Variants in PTPN12 observed in about 807,000 individuals in gnomAD.
The protein encoded by PTPN12 is protein tyrosine phosphatase non-receptor type 12, also known as tyrosine-protein phosphatase non-receptor type 12.
Under a neutral mutation model 97.6 loss-of-function variants are expected in PTPN12, and 29 were observed. The observed-to-expected ratio is 0.30, with a 90% CI of 0.22 to 0.41. The LOEUF (loss-of-function observed/expected upper bound fraction) is 0.41, where lower values mean the gene tolerates loss of function less well. Ranked by LOEUF, PTPN12 falls within the 10% of genes least tolerant of loss-of-function variation. PTPN12 has a pLI of 1.00. For synonymous variants in PTPN12, 327 were observed against 300.4 expected (o/e 1.09, Z -0.91); for missense variants, 819 against 926.0 (o/e 0.88, Z 1.50).
At chr7:77,541,078 T>C (rs1258729506) in intron 1 of PTPN12, among the ~76,000 whole-genome samples, 1 of 152,104 alleles carries the variant, frequency 6.6e-6, no homozygotes, top group Non-Finnish European at 1.5e-5. Flanking sequence ...TTTTTTGGTT[T>C]TGTTTTGTTT....
chr7:77,625,479 C>CTCTCTCTCTCTCTCTCTT (rs1474073851), intron 12 of PTPN12, among the ~76,000 whole-genome samples: 2 of 77,572 alleles, frequency 2.6e-5, no homozygotes, highest in Non-Finnish European at 5.6e-5. Flanking sequence ...CTCGCTCTCT[C>CTCTCTCTCTCTCTCTCTT]TCTCTCTCTC....
intron 1 of PTPN12, among the ~76,000 whole-genome samples, chr7:77,539,613 G>T (rs894693728): frequency 3.3e-5 from 5 of 151,604 alleles, no homozygotes; most frequent in Admixed American, 6.6e-5. Context: ...TTGTTGTTTG[G>T]TTGGTTGGTT....
At chr7:77,541,410 A>G (rs1421590039) in intron 1 of PTPN12, among the ~76,000 whole-genome samples, 1 of 151,974 alleles carries the variant, frequency 6.6e-6, no homozygotes, top group Non-Finnish European at 1.5e-5. Flanking sequence ...TAACTATCTT[A>G]TATCTTAATT....
chr7:77,557,389 C>T (rs1807769792), intron 1 of PTPN12, among the ~76,000 whole-genome samples: 1 of 152,176 alleles, frequency 6.6e-6, no homozygotes, highest in Non-Finnish European at 1.5e-5. Flanking sequence ...ACTCGTGATT[C>T]TCCGTATTCA....
rs73368564 is a variant in PTPN12 at position 77,560,478 on chromosome 7, A to G, written c.100-10600A>G. 8.0e-3 allele frequency among the ~76,000 whole-genome samples: 1,225 copies of G among 152,276 alleles called. 24 individuals are homozygous for G. The highest frequency in any genetic ancestry group is 0.028 in the African/African-American group (1,184 of 41,550). On this transcript the variant is annotated intron_variant, in intron 1 of 17. Coordinates refer to ENST00000248594, the MANE Select transcript of PTPN12 (RefSeq NM_002835.4). ...GTACATTCACATTGTTGTATAACCA[A>G]TCTCTAGAACTCTTCTCATCTTAGA...
chr7:77,618,399 C>A, intron 11 of PTPN12, 81 bp from the exon 12 acceptor site: 1 of 920,084 alleles, frequency 1.1e-6, no homozygotes, highest in Non-Finnish European at 1.6e-6. Flanking sequence ...GATTGAAAAG[C>A]ACAGAAACAA....
chr7:77,583,739 T>A (rs1787597550), intron 4 of PTPN12, 89 bp downstream of exon 4: 4 of 781,140 alleles, frequency 5.1e-6, no homozygotes, highest in African/African-American at 1.8e-5. Context: ...AGGGGATTTT[T>A]AAAAAATCCA....
At chr7:77,593,784 C>G (rs1014475657) in intron 6 of PTPN12, among the ~76,000 whole-genome samples, 2 of 152,202 alleles carry the variant, frequency 1.3e-5, no homozygotes, top group African/African-American at 4.8e-5. Context: ...ATATTCTGGG[C>G]ACACTGTGGC....
intron 1 of PTPN12, among the ~76,000 whole-genome samples, chr7:77,551,346 A>G (rs1389619026): frequency 6.6e-6 from 1 of 152,200 alleles, no homozygotes; most frequent in East Asian, 1.9e-4. Flanking sequence ...CAGGCATGAC[A>G]GTTTAACATT....
intron 9 of PTPN12, among the ~76,000 whole-genome samples, chr7:77,609,214 C>T (rs149538386): frequency 0.019 from 2,850 of 151,296 alleles, 34 homozygotes; most frequent in Middle Eastern, 0.072. Context: ...AGCAAGACTC[C>T]GTCTCAAAAA....
At chr7:77,585,396 A>C in intron 4 of PTPN12, 147 bp from the exon 5 acceptor site, 1 of 582,370 alleles carries the variant, frequency 1.7e-6, no homozygotes, top group Non-Finnish European at 3.0e-6. Context: ...AATTTCTTTA[A>C]CTTACACATT....
chr7:77,591,949 G>A (rs1323648989), intron 5 of PTPN12, among the ~76,000 whole-genome samples: 1 of 152,138 alleles, frequency 6.6e-6, no homozygotes, highest in Non-Finnish European at 1.5e-5. Context: ...AGATAGCAAT[G>A]AACAGTTATG....
chr7:77,586,447 C>T (rs563280035), intron 5 of PTPN12, among the ~76,000 whole-genome samples: 116 of 151,256 alleles, frequency 7.7e-4, no homozygotes, highest in Non-Finnish European at 1.3e-3. Flanking sequence ...GGACCAGGAA[C>T]GGTAGTTCAC....
chr7:77,555,950 T>G (rs1408202006), intron 1 of PTPN12, among the ~76,000 whole-genome samples: 1 of 152,194 alleles, frequency 6.6e-6, no homozygotes, highest in African/African-American at 2.4e-5. Flanking sequence ...TTTTTGGTTA[T>G]TTCTTTGAAT....
chr7:77,571,630 TCAG>T (rs1414257920), intron 2 of PTPN12, among the ~76,000 whole-genome samples: 1 of 152,216 alleles, frequency 6.6e-6, no homozygotes, highest in African/African-American at 2.4e-5. Flanking sequence ...TCTACTATTC[TCAG>T]CAGTCTGAAT....
At chr7:77,543,046 G>A (rs1444677293) in intron 1 of PTPN12, among the ~76,000 whole-genome samples, 1 of 152,168 alleles carries the variant, frequency 6.6e-6, no homozygotes, top group East Asian at 1.9e-4. Flanking sequence ...GGTCAAGGAG[G>A]AGGGAGGAGA....
intron 8 of PTPN12, among the ~76,000 whole-genome samples, chr7:77,602,564 A>G (rs1224068772): frequency 2.6e-5 from 4 of 152,016 alleles, no homozygotes; most frequent in African/African-American, 9.7e-5. Flanking sequence ...AGGCTGCAGT[A>G]GACACCAATT....
rs765455859 is a variant in PTPN12 at position 77,635,857 on chromosome 7, C to G, written c.2142+8C>G. ...GAACAAAAAAAGTCTGAAGTAAGTC[C>G]TTTTGGAATTGGAACAGTTATAGCT... On this transcript the variant is annotated splice_region_variant and intron_variant, in intron 15 of 17. Coordinates refer to ENST00000248594, the MANE Select transcript of PTPN12 (RefSeq NM_002835.4). 8.8e-6 allele frequency: 14 copies of G among 1,588,686 alleles called. No homozygotes were observed. The highest frequency in any genetic ancestry group is 2.6e-6 in the Non-Finnish European group (3 of 1,164,988).
chr7:77,631,558 C>T (rs1486237101), intron 13 of PTPN12, among the ~76,000 whole-genome samples: 1 of 152,284 alleles, frequency 6.6e-6, no homozygotes, highest in East Asian at 1.9e-4. Flanking sequence ...TTCTATTCCT[C>T]CAGTGAAAAC....
Sources: gnomAD v4.1 joint callset for allele counts (sites outside exome capture counted in the v4.1 genomes callset) on GRCh38, gnomAD v4.1.1 for gene constraint, MANE v1.5 for transcripts, NCBI Gene and HGNC (gene_info 2026-07-23, HGNC 2026-07-21) for gene names.